CREBRF: variants seen among roughly 807,000 people sequenced by gnomAD.
CREBRF encodes the protein CREB3 regulatory factor, also known as UPF0474 protein C5orf41.
Under a neutral mutation model 66.1 loss-of-function variants are expected in CREBRF, and 5 were observed. The observed-to-expected ratio is 0.08, with a 90% CI of 0.04 to 0.16. The LOEUF (loss-of-function observed/expected upper bound fraction) is 0.16. CREBRF is among the 10% of genes least tolerant of loss of function. The pLI, the probability that CREBRF is intolerant of heterozygous loss-of-function variation, is 1.00. For synonymous variants in CREBRF, 229 were observed against 264.4 expected (o/e 0.87, Z 1.30); for missense variants, 531 against 744.9 (o/e 0.71, Z 3.34).
At chr5:173,125,221 T>C (rs1759241410) in intron 8 of CREBRF, among the ~76,000 whole-genome samples, 2 of 152,280 alleles carry the variant, frequency 1.3e-5, no homozygotes, top group South Asian at 4.1e-4. Context: ...TAACATTATT[T>C]CTCCTTTTTA....
intron 1 of CREBRF, among the ~76,000 whole-genome samples, chr5:173,071,156 A>G (rs1757588901): frequency 1.3e-5 from 2 of 151,752 alleles, no homozygotes. Context: ...GTCTAATATT[A>G]GACTTAAGAG....
At chr5:173,062,892 C>T (rs1310679374) in intron 1 of CREBRF, among the ~76,000 whole-genome samples, 5 of 150,870 alleles carry the variant, frequency 3.3e-5, no homozygotes, top group African/African-American at 7.3e-5. Flanking sequence ...GGACTACAGG[C>T]GCCCGCCACT....
chr5:173,104,599 G>T (rs1758704869), intron 4 of CREBRF, among the ~76,000 whole-genome samples: 1 of 152,096 alleles, frequency 6.6e-6, no homozygotes, highest in Non-Finnish European at 1.5e-5. Flanking sequence ...AGGATTGCTT[G>T]AGCCGGGGAG....
chr5:173,073,315 A>G (rs1270777361), intron 1 of CREBRF, among the ~76,000 whole-genome samples: 1 of 152,220 alleles, frequency 6.6e-6, no homozygotes, highest in African/African-American at 2.4e-5. Flanking sequence ...GATAGTGGTT[A>G]TCCTGATACC....
At chr5:173,098,712 C>T (rs1758539910) in intron 4 of CREBRF, among the ~76,000 whole-genome samples, 1 of 151,970 alleles carries the variant, frequency 6.6e-6, no homozygotes, top group South Asian at 2.1e-4. Flanking sequence ...CCCTATATTA[C>T]CGTCTGTTTT....
chr5:173,119,197 A>G (rs1165018202), intron 7 of CREBRF, among the ~76,000 whole-genome samples: 1 of 152,182 alleles, frequency 6.6e-6, no homozygotes, highest in South Asian at 2.1e-4. Flanking sequence ...AAATTACTTT[A>G]TCATCTTTTA....
chr5:173,079,000 C>T (rs2113703339), intron 1 of CREBRF, among the ~76,000 whole-genome samples: 1 of 152,262 alleles, frequency 6.6e-6, no homozygotes, highest in Non-Finnish European at 1.5e-5. Context: ...GACCTTCTTT[C>T]TCATAGGAAT....
intron 2 of CREBRF, among the ~76,000 whole-genome samples, chr5:173,081,424 T>C (rs1220795171): frequency 6.6e-6 from 1 of 152,178 alleles, no homozygotes; most frequent in African/African-American, 2.4e-5. Context: ...TCTCCAGTGT[T>C]TAGCTCTTGC....
chr5:173,076,281 A>T (rs536339080), intron 1 of CREBRF, among the ~76,000 whole-genome samples: 1 of 152,142 alleles, frequency 6.6e-6, no homozygotes, highest in Non-Finnish European at 1.5e-5. Flanking sequence ...TGTCATTGAT[A>T]CCTACCTCTT....
chr5:173,122,837 G>A (rs1286288532), intron 7 of CREBRF, among the ~76,000 whole-genome samples: 1 of 136,256 alleles, frequency 7.3e-6, no homozygotes. Flanking sequence ...CTATGAGTGA[G>A]AACATGCGGT....
chr5:173,101,844 C>T (rs1000169934), intron 4 of CREBRF, among the ~76,000 whole-genome samples: 29 of 152,154 alleles, frequency 1.9e-4, no homozygotes, highest in East Asian at 1.2e-3. Context: ...CCACCGCGCC[C>T]GGCCTGTCAT....
intron 4 of CREBRF, among the ~76,000 whole-genome samples, chr5:173,098,531 A>G (rs1292479384): frequency 2.6e-5 from 4 of 152,210 alleles, no homozygotes; most frequent in Non-Finnish European, 5.9e-5. Flanking sequence ...CATATGATCT[A>G]AACTAGAGAA....
intron 8 of CREBRF, among the ~76,000 whole-genome samples, chr5:173,129,555 C>G (rs1759360178): frequency 6.6e-6 from 1 of 151,592 alleles, no homozygotes; most frequent in Non-Finnish European, 1.5e-5. Context: ...GACCCCATTT[C>G]TAGAAAAAAA....
Position 173,120,459 on chromosome 5 carries a change from A to G in CREBRF, c.1682-2621A>G, listed in dbSNP as rs574510797. Among the ~76,000 whole-genome samples the G allele has an allele frequency of 9.3e-5, 14 of 150,920 alleles. No homozygotes were observed. The South Asian group carries it at 2.7e-3, about 29-fold the overall frequency. ...CAGTGGCACGATCTCAGCTCACTGCAACCTCTGCCTCCCGGGTTCAAGCAA... is the reference window on the plus strand; with the variant it reads ...CAGTGGCACGATCTCAGCTCACTGCGACCTCTGCCTCCCGGGTTCAAGCAA... On this transcript the variant is annotated intron_variant, in intron 7 of 8. Transcript: ENST00000296953.
At chr5:173,130,115 G>A (rs1390569877) in intron 8 of CREBRF, among the ~76,000 whole-genome samples, 1 of 152,178 alleles carries the variant, frequency 6.6e-6, no homozygotes, top group Non-Finnish European at 1.5e-5. Flanking sequence ...GAGCCACCAC[G>A]CTCGGCCTAG....
chr5:173,134,265 A>AAT lies in CREBRF; in HGVS notation c.*544_*545dup, dbSNP rs748323611. ...GTCAGAGCTCAAGATGATATATATA[A>AAT]ATATATATATATATATATATATATA... is the stretch of plus-strand genomic sequence containing the variant. On this transcript the variant is annotated 3_prime_UTR_variant, in exon 9 of 9. Coordinates refer to ENST00000296953, the MANE Select transcript of CREBRF (RefSeq NM_153607.3). 11,334 of 138,800 alleles carry AAT rather than the reference A, an allele frequency of 0.082. 521 individuals are homozygous for AAT. Among genetic ancestry groups the AAT allele is most frequent in the Non-Finnish European group, 0.096 (6,264 of 65,120 alleles). 8.6% of individuals were successfully genotyped at this position (138,800 alleles called of 1,614,324 possible).
rs1217073762 is a variant in CREBRF at position 173,134,633 on chromosome 5, T to G, written c.*888T>G. The G allele has an allele frequency of 6.5e-6, 1 of 152,902 alleles. No individual in the cohort carries two copies. Among genetic ancestry groups the G allele is most frequent in the Admixed American group, 6.5e-5 (1 of 15,282 alleles). 9.5% of individuals were successfully genotyped at this position (152,902 alleles called of 1,614,324 possible). A position where few individuals can be genotyped will look rare whatever the true frequency, so the allele number is the denominator to read the frequency against. ...GAAGAAGACAAATACTTGCACATTA[T>G]TGCGATTGTTTTATTTTTTGTACCA... On this transcript the variant is annotated 3_prime_UTR_variant, in exon 9 of 9. Transcript: ENST00000296953.
intron 1 of CREBRF, among the ~76,000 whole-genome samples, chr5:173,074,718 G>A (rs1319314814): frequency 5.9e-5 from 9 of 152,190 alleles, no homozygotes; most frequent in Admixed American, 4.6e-4. Flanking sequence ...CACCTCTGGG[G>A]TTCAAGTGAT....
chr5:173,118,822 T>C (rs1759069252), intron 7 of CREBRF, among the ~76,000 whole-genome samples: 1 of 151,746 alleles, frequency 6.6e-6, no homozygotes, highest in African/African-American at 2.4e-5. Context: ...GAGTATTGCT[T>C]GAGGCCAAGA....
Sources: gnomAD v4.1 joint callset for allele counts (sites outside exome capture counted in the v4.1 genomes callset) on GRCh38, gnomAD v4.1.1 for gene constraint, MANE v1.5 for transcripts, NCBI Gene and HGNC (gene_info 2026-07-23, HGNC 2026-07-21) for gene names.